Variants in DPP6 observed in about 807,000 individuals in gnomAD.
DPP6 encodes A-type potassium channel modulatory protein DPP6.
A neutral mutation model predicts 122.6 loss-of-function variants in DPP6; 69 were observed. The observed-to-expected ratio is 0.56, with a 90% confidence interval of 0.46 to 0.69. DPP6 has a LOEUF of 0.69. Among genes scored for constraint, DPP6 ranks in the 30% least tolerant of loss-of-function variants. DPP6 has a pLI of 0.00. For missense variants in DPP6, 928 were observed against 1,116.9 expected (o/e 0.83, Z 2.41); for synonymous variants, 418 against 433.1 (o/e 0.97, Z 0.43).
intron 1 of DPP6, among the ~76,000 whole-genome samples, chr7:154,108,698 T>G (rs1173941806): frequency 6.6e-6 from 1 of 151,938 alleles, no homozygotes; most frequent in Admixed American, 6.6e-5. Context: ...ATCCAGAAGG[T>G]GGAAACGTGG....
At chr7:154,034,094 G>A (rs1799394663) in intron 1 of DPP6, among the ~76,000 whole-genome samples, 2 of 152,240 alleles carry the variant, frequency 1.3e-5, no homozygotes, top group African/African-American at 2.4e-5. Context: ...TCAATTTATG[G>A]CTTATTAAGT....
At chr7:154,554,187 G>A (rs117931996) in intron 4 of DPP6, among the ~76,000 whole-genome samples, 2 of 151,970 alleles carry the variant, frequency 1.3e-5, no homozygotes, top group South Asian at 2.1e-4. Context: ...TAACATTATC[G>A]CCAGGCCCAA....
At chr7:154,064,677 C>G (rs1802559128) in intron 1 of DPP6, among the ~76,000 whole-genome samples, 1 of 152,100 alleles carries the variant, frequency 6.6e-6, no homozygotes, top group East Asian at 1.9e-4. Flanking sequence ...GTGTTAATCT[C>G]AAGCAGATAG....
the DPP6 span, among the ~76,000 whole-genome samples, chr7:153,824,692 CATAAAA>C: frequency 3.1e-4 from 46 of 149,120 alleles, no homozygotes; most frequent in African/African-American, 1.0e-3. Flanking sequence ...CTCAAAAAAA[CATAAAA>C]ATAAAAAAAA....
chr7:154,817,606 TG>T lies in DPP6; in HGVS notation c.1666+10495del, dbSNP rs199686088. Among the ~76,000 whole-genome samples, 818 of 152,238 alleles carry T rather than the reference TG, an allele frequency of 5.4e-3. 9 individuals are homozygous for T. The highest frequency in any genetic ancestry group is 0.019 in the African/African-American group (776 of 41,542). ...GTTACGAATATCATGAGTGATCGAT[TG>T]ATGATGTCATGAACATCATGAGTGA... On this transcript the variant is annotated intron_variant, in intron 16 of 25. Transcript: ENST00000377770.
the DPP6 span, among the ~76,000 whole-genome samples, chr7:153,766,182 T>G: frequency 6.6e-6 from 1 of 152,234 alleles, no homozygotes; most frequent in Non-Finnish European, 1.5e-5. Flanking sequence ...CATAACAGCC[T>G]CTCATTTCTT....
At chr7:153,853,354 C>T in the DPP6 span, among the ~76,000 whole-genome samples, 12 of 152,272 alleles carry the variant, frequency 7.9e-5, no homozygotes, top group South Asian at 1.0e-3. Context: ...TTGGATTTTA[C>T]AGTGTTAAAC....
intron 1 of DPP6, among the ~76,000 whole-genome samples, chr7:154,124,994 T>G (rs1436361365): frequency 6.6e-6 from 1 of 151,552 alleles, no homozygotes; most frequent in African/African-American, 2.4e-5. Flanking sequence ...GGGGCTGAGG[T>G]GTGTGTGTGT....
intron 8 of DPP6, among the ~76,000 whole-genome samples, chr7:154,767,002 G>C (rs1795944875): frequency 6.6e-6 from 1 of 152,166 alleles, no homozygotes; most frequent in Non-Finnish European, 1.5e-5. Flanking sequence ...CATCCCTCTG[G>C]TCTCAGAAAA....
the DPP6 span, among the ~76,000 whole-genome samples, chr7:153,762,616 C>CA: frequency 0.013 from 1,725 of 137,732 alleles, 7 homozygotes; most frequent in East Asian, 0.018. Context: ...ACTAAAAATA[C>CA]AAAAAAAAAA....
At chr7:154,881,292 C>G (rs1472045436) in intron 21 of DPP6, among the ~76,000 whole-genome samples, 2 of 152,170 alleles carry the variant, frequency 1.3e-5, no homozygotes, top group Non-Finnish European at 2.9e-5. Flanking sequence ...CTGGATAACT[C>G]GATGTGGAGT....
At chr7:154,757,538 C>T (rs375585842) in intron 8 of DPP6, among the ~76,000 whole-genome samples, 1 of 152,212 alleles carries the variant, frequency 6.6e-6, no homozygotes, top group African/African-American at 2.4e-5. Context: ...AGAGGGCCTT[C>T]GTACGGTGCC....
intron 15 of DPP6, among the ~76,000 whole-genome samples, chr7:154,805,610 T>C (rs987451332): frequency 2.6e-5 from 4 of 152,244 alleles, no homozygotes; most frequent in African/African-American, 7.2e-5. Flanking sequence ...AGCCCAACTG[T>C]GCGACTTTGG....
intron 13 of DPP6, among the ~76,000 whole-genome samples, chr7:154,802,925 C>T (rs531767623): frequency 9.8e-5 from 15 of 152,304 alleles, no homozygotes; most frequent in Admixed American, 7.2e-4. Context: ...ATCATTTGCC[C>T]GGAGCCCTAT....
chr7:154,669,190 A>C (rs1838388015), intron 6 of DPP6, among the ~76,000 whole-genome samples, 170 bp from the exon 7 acceptor site: 1 of 152,214 alleles, frequency 6.6e-6, no homozygotes, highest in Non-Finnish European at 1.5e-5. Context: ...AAGAAACCTA[A>C]TAGAGACTAA....
At chr7:154,825,782 G>A (rs1800099801) in intron 16 of DPP6, among the ~76,000 whole-genome samples, 1 of 152,186 alleles carries the variant, frequency 6.6e-6, no homozygotes, top group Admixed American at 6.6e-5. Context: ...TCTGTGCTTG[G>A]CACACAGCAC....
chr7:154,360,631 C>T (rs939950527), intron 1 of DPP6, among the ~76,000 whole-genome samples: 2 of 152,140 alleles, frequency 1.3e-5, no homozygotes, highest in South Asian at 2.1e-4. Context: ...TCTGAAAGCA[C>T]GGTAGAAGAT....
intron 1 of DPP6, among the ~76,000 whole-genome samples, chr7:154,340,611 C>T (rs1809842401): frequency 6.6e-6 from 1 of 152,150 alleles, no homozygotes; most frequent in Non-Finnish European, 1.5e-5. Flanking sequence ...TTGTTTAAAA[C>T]TATATTTGAA....
the DPP6 span, among the ~76,000 whole-genome samples, chr7:153,773,911 C>T: frequency 8.8e-5 from 13 of 148,204 alleles, no homozygotes; most frequent in Non-Finnish European, 1.5e-4. Context: ...TCAATTAAAC[C>T]GAAAGCTGGT....
Sources: allele counts gnomAD v4.1 joint callset (sites outside exome capture counted in the v4.1 genomes callset), GRCh38; gene constraint gnomAD v4.1.1; transcripts MANE v1.5; gene names NCBI Gene and HGNC (gene_info 2026-07-23, HGNC 2026-07-21).